Variants in CCDC192 observed in about 807,000 individuals in gnomAD.
CCDC192 encodes the protein coiled-coil domain containing 192, also known as coiled-coil domain-containing protein 192.
At chr5:127,704,100 C>T (rs185029476) in intron 1 of CCDC192, among the ~76,000 whole-genome samples, 22 of 152,268 alleles carry the variant, frequency 1.4e-4, no homozygotes, top group Non-Finnish European at 2.2e-4. Context: ...GAGAGGTGGC[C>T]ACATCTCTGT....
intron 6 of CCDC192, among the ~76,000 whole-genome samples, chr5:127,931,109 G>C (rs1406724964): frequency 6.6e-6 from 1 of 152,152 alleles, no homozygotes; most frequent in African/African-American, 2.4e-5. Context: ...CCTGCATGGT[G>C]GTGGTAACTG....
At chr5:127,727,741 T>C (rs1752416802) in intron 2 of CCDC192, among the ~76,000 whole-genome samples, 1 of 152,030 alleles carries the variant, frequency 6.6e-6, no homozygotes, top group Non-Finnish European at 1.5e-5. Context: ...ATAATGAACT[T>C]TGCTGAACTA....
chr5:127,729,282 G>A (rs1247075790), intron 2 of CCDC192, among the ~76,000 whole-genome samples: 2 of 152,170 alleles, frequency 1.3e-5, no homozygotes, highest in African/African-American at 4.8e-5. Flanking sequence ...TTACATAATG[G>A]TAAAGGGTTT....
At chr5:127,791,626 A>C (rs1756871640) in intron 3 of CCDC192, among the ~76,000 whole-genome samples, 1 of 152,220 alleles carries the variant, frequency 6.6e-6, no homozygotes, top group Non-Finnish European at 1.5e-5. Context: ...TAGAGACTTC[A>C]GTAACCATAC....
At chr5:127,913,689 T>G (rs1478105011) in intron 6 of CCDC192, among the ~76,000 whole-genome samples, 2 of 152,244 alleles carry the variant, frequency 1.3e-5, no homozygotes, top group Non-Finnish European at 2.9e-5. Context: ...TCTGGAGATC[T>G]TAGGAGTAGT....
At chr5:127,754,514 T>G in intron 3 of CCDC192, 139 bp downstream of exon 3, 1 of 347,478 alleles carries the variant, frequency 2.9e-6, no homozygotes, top group Non-Finnish European at 5.1e-6. Flanking sequence ...CACACACACA[T>G]TGCAGTATGC....
chr5:127,915,421 G>A lies in CCDC192; in HGVS notation c.536-25761G>A, dbSNP rs186018141. ...GTTTTTGAGATGGAGCCTCGCTGTC[G>A]CCCAGGCTGGAATGCAGTGGCGCAA... On this transcript the variant is annotated intron_variant, in intron 6 of 6. Coordinates refer to ENST00000514853, the MANE Select transcript of CCDC192 (RefSeq NM_001317938.2). Among the ~76,000 whole-genome samples the A allele has an allele frequency of 2.5e-3, 378 of 152,220 alleles. 1 individual carries two copies. The highest frequency in any genetic ancestry group is 8.7e-3 in the African/African-American group (362 of 41,524).
chr5:127,771,564 G>A (rs150743356), intron 3 of CCDC192, among the ~76,000 whole-genome samples: 67 of 152,300 alleles, frequency 4.4e-4, no homozygotes, highest in African/African-American at 1.6e-3. Flanking sequence ...ACTAGAAAAT[G>A]CAGAAGTGGA....
chr5:127,904,050 C>A (rs971152969), intron 6 of CCDC192, among the ~76,000 whole-genome samples: 8 of 152,122 alleles, frequency 5.3e-5, no homozygotes, highest in African/African-American at 1.7e-4. Flanking sequence ...AGTGTAATCA[C>A]CTGAGTCCTT....
chr5:127,775,277 GTTC>G (rs1755792137), intron 3 of CCDC192, among the ~76,000 whole-genome samples: 2 of 152,290 alleles, frequency 1.3e-5, no homozygotes, highest in South Asian at 2.1e-4. Context: ...CAGGGCCACA[GTTC>G]TTCTGCCCTA....
chr5:127,719,432 C>T (rs981145041), intron 2 of CCDC192, among the ~76,000 whole-genome samples: 2 of 143,938 alleles, frequency 1.4e-5, no homozygotes, highest in African/African-American at 5.2e-5. Context: ...TATATATATA[C>T]ACACACATAC....
rs542167687 is a variant in CCDC192, at chr5:127,818,384, T to A, written c.411+20222T>A. Among the ~76,000 whole-genome samples, 474 of 152,166 alleles carry A rather than the reference T, an allele frequency of 3.1e-3. 2 individuals are homozygous for A. The Middle Eastern group carries it at 0.041, about 13-fold the overall frequency. On this transcript the variant is annotated intron_variant, in intron 5 of 6. Transcript: ENST00000514853. ...GAAGTCAACTGGGAAACATTTTTTTTAAAAAACGAATCCTGGGTTCTACTC... is the reference window on the plus strand; with the variant it reads ...GAAGTCAACTGGGAAACATTTTTTTAAAAAAACGAATCCTGGGTTCTACTC...
chr5:127,715,448 T>C (rs1328573124), intron 2 of CCDC192, among the ~76,000 whole-genome samples: 1 of 152,182 alleles, frequency 6.6e-6, no homozygotes, highest in Non-Finnish European at 1.5e-5. Context: ...TGTGGATTTC[T>C]GTATTTTATG....
chr5:127,931,314 T>A (rs1399489551), intron 6 of CCDC192, among the ~76,000 whole-genome samples: 1 of 152,208 alleles, frequency 6.6e-6, no homozygotes, highest in East Asian at 1.9e-4. Flanking sequence ...TGAACACTCA[T>A]CATTTTTTCT....
intron 2 of CCDC192, among the ~76,000 whole-genome samples, chr5:127,728,048 A>G (rs566342557): frequency 6.6e-6 from 1 of 152,344 alleles, no homozygotes; most frequent in East Asian, 1.9e-4. Context: ...ATTATGTAAA[A>G]GGACCAAACC....
At chr5:127,887,265 G>A (rs1038068404) in intron 6 of CCDC192, among the ~76,000 whole-genome samples, 1 of 147,308 alleles carries the variant, frequency 6.8e-6, no homozygotes, top group Admixed American at 7.0e-5. Flanking sequence ...GGAGGTGGAG[G>A]TTGCAGTGAG....
intron 2 of CCDC192, among the ~76,000 whole-genome samples, chr5:127,713,118 CA>C (rs761197156): frequency 3.3e-5 from 5 of 151,978 alleles, no homozygotes; most frequent in Non-Finnish European, 7.4e-5. Context: ...CCTGTAATCC[CA>C]GCTACTCGGG....
At chr5:127,899,168 G>T (rs982589576) in intron 6 of CCDC192, among the ~76,000 whole-genome samples, 6 of 152,282 alleles carry the variant, frequency 3.9e-5, no homozygotes, top group African/African-American at 1.2e-4. Flanking sequence ...TTGCGTTTTT[G>T]GGGGGAGTGA....
intron 3 of CCDC192, among the ~76,000 whole-genome samples, chr5:127,760,898 T>C (rs985115552): frequency 3.3e-5 from 5 of 152,042 alleles, no homozygotes; most frequent in African/African-American, 7.2e-5. Flanking sequence ...TCCTGGAATG[T>C]AAGAGGTGGG....
Sources: gnomAD v4.1 joint callset for allele counts (sites outside exome capture counted in the v4.1 genomes callset) on GRCh38, gnomAD v4.1.1 for gene constraint, MANE v1.5 for transcripts, NCBI Gene and HGNC (gene_info 2026-07-23, HGNC 2026-07-21) for gene names.